THSD7B: variants seen among roughly 807,000 people sequenced by gnomAD.
The protein encoded by THSD7B is thrombospondin type-1 domain-containing protein 7B.
A neutral mutation model predicts 213.6 loss-of-function variants in THSD7B; 138 were observed. The ratio of observed to expected loss-of-function variants is 0.65; its 90% CI spans 0.56 to 0.74. The LOEUF is 0.74. Ranked by LOEUF, THSD7B falls within the 30% of genes least tolerant of loss-of-function variation. The pLI, the probability that THSD7B is intolerant of heterozygous loss-of-function variation, is 0.00. For missense variants in THSD7B, 1,931 were observed against 1,991.5 expected, an observed-to-expected ratio of 0.97 and a Z score of 0.58; for synonymous variants, 742 against 687.0, an observed-to-expected ratio of 1.08 and a Z score of -1.25.
At chr2:136,817,534 T>G (rs1205773611) in intron 1 of THSD7B, among the ~76,000 whole-genome samples, 1 of 150,818 alleles carries the variant, frequency 6.6e-6, no homozygotes, top group East Asian at 1.9e-4. Context: ...TGAATTGATT[T>G]TTGTATAAGG....
chr2:137,052,350 G>C (rs1011891782), intron 2 of THSD7B, among the ~76,000 whole-genome samples: 1 of 152,236 alleles, frequency 6.6e-6, no homozygotes, highest in African/African-American at 2.4e-5. Flanking sequence ...CAACCAGCAT[G>C]AGTTTTATTA....
intron 12 of THSD7B, among the ~76,000 whole-genome samples, chr2:137,285,659 A>G (rs1415142256): frequency 2.6e-5 from 4 of 151,980 alleles, no homozygotes; most frequent in Middle Eastern, 3.4e-3. Context: ...TCTTAATTAT[A>G]CAGCAATAAT....
At chr2:137,109,256 C>T (rs969872856) in intron 4 of THSD7B, among the ~76,000 whole-genome samples, 8 of 152,126 alleles carry the variant, frequency 5.3e-5, no homozygotes, top group African/African-American at 1.9e-4. Flanking sequence ...ATCATGTTAC[C>T]ATTCTTCCCA....
chr2:136,954,699 A>G lies in THSD7B; in HGVS notation c.139+72382A>G, dbSNP rs1482692648. Among the ~76,000 whole-genome samples the G allele has an allele frequency of 1.3e-4, 17 of 130,574 alleles. No homozygotes were observed. The East Asian group carries it at 3.8e-3, about 29-fold the overall frequency. The allele number at this position is 130,574 out of a possible 152,430, so 85.7% of individuals were successfully genotyped here. A position where few individuals can be genotyped will look rare whatever the true frequency, so the allele number is the denominator to read the frequency against. Reference sequence around the variant, plus strand: ...GCCACTGCACTCCAGCCTGGGTGACAGTGAGACTCTGTCTCAAAAAAAAAA... The same window carrying G: ...GCCACTGCACTCCAGCCTGGGTGACGGTGAGACTCTGTCTCAAAAAAAAAA... On this transcript the variant is annotated intron_variant, in intron 2 of 27. Coordinates refer to ENST00000409968, the MANE Select transcript of THSD7B (RefSeq NM_001316349.2).
chr2:136,787,396 A>G (rs1447680193), intron 1 of THSD7B, among the ~76,000 whole-genome samples: 1 of 152,114 alleles, frequency 6.6e-6, no homozygotes, highest in Non-Finnish European at 1.5e-5. Flanking sequence ...CTGTTTGCCA[A>G]GAGAAAGTTA....
intron 12 of THSD7B, among the ~76,000 whole-genome samples, chr2:137,358,752 G>A (rs2104931320): frequency 6.6e-6 from 1 of 152,236 alleles, no homozygotes; most frequent in Admixed American, 6.5e-5. Context: ...CCCCTTCAGT[G>A]CCAAACACAG....
intron 26 of THSD7B, among the ~76,000 whole-genome samples, chr2:137,665,650 A>G (rs2104825479): frequency 6.6e-6 from 1 of 152,202 alleles, no homozygotes; most frequent in South Asian, 2.1e-4. Context: ...GGAACTCATC[A>G]TGCAGTTATA....
At chr2:136,890,304 CTTCTTCTTCTTCTTCTTCTTCTTCT>C (rs1683796174) in intron 2 of THSD7B, among the ~76,000 whole-genome samples, 1 of 10,730 alleles carries the variant, frequency 9.3e-5, no homozygotes, top group Non-Finnish European at 2.5e-4. Context: ...TGTCCTACTC[CTTCTTCTTCTTCTTCTTCTTCTTCT>C]TCTTCTTCTT....
chr2:136,834,257 G>T (rs959523632), intron 1 of THSD7B, among the ~76,000 whole-genome samples: 1 of 152,146 alleles, frequency 6.6e-6, no homozygotes, highest in South Asian at 2.1e-4. Flanking sequence ...AAATATCACC[G>T]TTGGTTGTTC....
At chr2:137,672,785 AAAAT>A (rs1433352597) in intron 27 of THSD7B, among the ~76,000 whole-genome samples, 8 of 152,238 alleles carry the variant, frequency 5.3e-5, no homozygotes, top group African/African-American at 1.7e-4. Context: ...AAATGTCAAA[AAAAT>A]AGCCTTCTAA....
chr2:137,000,474 T>C (rs958243947), intron 2 of THSD7B, among the ~76,000 whole-genome samples: 1 of 152,174 alleles, frequency 6.6e-6, no homozygotes, highest in African/African-American at 2.4e-5. Context: ...GGAAAACTGA[T>C]ACTATGGGGT....
intron 4 of THSD7B, among the ~76,000 whole-genome samples, chr2:137,108,417 T>C (rs377141041): frequency 1.3e-5 from 2 of 152,364 alleles, no homozygotes; most frequent in East Asian, 1.9e-4. Flanking sequence ...CTCTACTTAT[T>C]GCTTCACAGC....
chr2:137,615,842 A>T (rs1342358228), intron 17 of THSD7B, among the ~76,000 whole-genome samples: 4 of 152,120 alleles, frequency 2.6e-5, no homozygotes, highest in African/African-American at 9.7e-5. Flanking sequence ...GCATTTAAAC[A>T]TTCAAAATAT....
rs575424383 is a variant in THSD7B at position 137,675,322 on chromosome 2, C to T, written c.4740-1202C>T. On this transcript the variant is annotated intron_variant, in intron 27 of 27. Transcript: ENST00000409968. The stretch of plus-strand genomic sequence containing the variant: ...TATAGATTAAAATCTTTGTTTTTTA[C>T]GTTAGATTCACTCAGAATACAAAAA... 3.0e-4 allele frequency among the ~76,000 whole-genome samples: 45 copies of T among 148,458 alleles called. 1 individual carries two copies. The South Asian group carries it at 7.3e-3, about 24-fold the overall frequency.
At chr2:137,340,116 T>G (rs994961789) in intron 12 of THSD7B, among the ~76,000 whole-genome samples, 4 of 151,864 alleles carry the variant, frequency 2.6e-5, no homozygotes, top group Admixed American at 6.6e-5. Flanking sequence ...ATCACTCTCC[T>G]TTTTATAGAC....
chr2:136,820,397 C>T (rs966989110), intron 1 of THSD7B, among the ~76,000 whole-genome samples: 4 of 152,186 alleles, frequency 2.6e-5, no homozygotes, highest in African/African-American at 9.7e-5. Flanking sequence ...TATCACCTGC[C>T]TCCTGATGCA....
intron 3 of THSD7B, among the ~76,000 whole-genome samples, chr2:137,063,362 TTTTAA>T (rs1477605643): frequency 6.6e-6 from 1 of 151,940 alleles, no homozygotes; most frequent in African/African-American, 2.4e-5. Context: ...TCCTTTTTAA[TTTTAA>T]TTTATTATTT....
At chr2:136,993,201 T>C (rs1215816214) in intron 2 of THSD7B, among the ~76,000 whole-genome samples, 2 of 152,242 alleles carry the variant, frequency 1.3e-5, no homozygotes. Flanking sequence ...GAACAAATCA[T>C]TGAGTGCTTG....
rs188135494 is a variant in THSD7B, at chr2:136,976,038, T to C, written c.140-80382T>C. Among the ~76,000 whole-genome samples, 101 of 152,340 alleles carry C rather than the reference T, an allele frequency of 6.6e-4. 2 individuals carry two copies. Among genetic ancestry groups the C allele is most frequent in the African/African-American group, 1.8e-3 (76 of 41,572 alleles). On this transcript the variant is annotated intron_variant, in intron 2 of 27. Transcript: ENST00000409968. Reference sequence around the variant, plus strand: ...TTGTGATTTTAGCACCTTGATTTTGTATCCTGAGACTTTGCTGAAGGTGCT... The same window carrying C: ...TTGTGATTTTAGCACCTTGATTTTGCATCCTGAGACTTTGCTGAAGGTGCT...
Sources: allele counts gnomAD v4.1 joint callset (sites outside exome capture counted in the v4.1 genomes callset), GRCh38; gene constraint gnomAD v4.1.1; transcripts MANE v1.5; gene names NCBI Gene and HGNC (gene_info 2026-07-23, HGNC 2026-07-21).